The following ADGRB3 variants were observed in gnomAD, a reference collection of about 807,000 sequenced individuals.
ADGRB3 encodes the protein adhesion G protein-coupled receptor B3, also known as brain-specific angiogenesis inhibitor 3.
Under a neutral mutation model 193.4 loss-of-function variants are expected in ADGRB3, and 37 were observed. That is an observed-to-expected ratio of 0.19 (90% CI 0.15 to 0.25). ADGRB3 has a LOEUF of 0.25. Ranked by LOEUF, ADGRB3 falls within the 10% of genes least tolerant of loss-of-function variation. The pLI is 1.00. For synonymous variants in ADGRB3, 690 were observed against 644.2 expected (o/e 1.07, Z -1.08); for missense variants, 1,637 against 1,852.9 (o/e 0.88, Z 2.14).
At chr6:69,097,222 A>G (rs932423369) in intron 17 of ADGRB3, among the ~76,000 whole-genome samples, 2 of 152,240 alleles carry the variant, frequency 1.3e-5, no homozygotes, top group Non-Finnish European at 2.9e-5. Context: ...CGAGCTATAC[A>G]TGATGACCAA....
intron 6 of ADGRB3, among the ~76,000 whole-genome samples, chr6:68,949,110 A>G (rs1767848950): frequency 6.6e-6 from 1 of 152,148 alleles, no homozygotes; most frequent in African/African-American, 2.4e-5. Context: ...TTATATGAAT[A>G]TATTACTTTA....
chr6:69,075,286 G>A (rs1772195048), intron 16 of ADGRB3, among the ~76,000 whole-genome samples: 2 of 152,308 alleles, frequency 1.3e-5, no homozygotes, highest in South Asian at 2.1e-4. Flanking sequence ...GCATATGACA[G>A]AATCTGTAGA....
At chr6:69,386,447 T>C (rs1582671940) in intron 31 of ADGRB3, among the ~76,000 whole-genome samples, 1 of 152,228 alleles carries the variant, frequency 6.6e-6, no homozygotes, top group East Asian at 1.9e-4. Flanking sequence ...ACTGTGGATC[T>C]GATTCAGTAG....
chr6:68,825,598 A>T (rs185036700), intron 3 of ADGRB3, among the ~76,000 whole-genome samples: 1 of 152,272 alleles, frequency 6.6e-6, no homozygotes, highest in Admixed American at 6.5e-5. Context: ...TAATCCCTAT[A>T]ATCCCCATAA....
intron 20 of ADGRB3, among the ~76,000 whole-genome samples, chr6:69,264,660 C>T (rs1157830553): frequency 1.3e-5 from 2 of 151,826 alleles, no homozygotes; most frequent in Non-Finnish European, 2.9e-5. Context: ...TACCTATGAA[C>T]GAGTCTCACC....
chr6:69,207,030 G>A (rs1765553973), intron 17 of ADGRB3, among the ~76,000 whole-genome samples: 1 of 152,196 alleles, frequency 6.6e-6, no homozygotes, highest in Non-Finnish European at 1.5e-5. Context: ...CCACTGTGGA[G>A]TAGTAGACTG....
chr6:69,126,209 TGATA>T (rs1253250971), intron 17 of ADGRB3, among the ~76,000 whole-genome samples: 11 of 109,258 alleles, frequency 1.0e-4, no homozygotes, highest in African/African-American at 2.3e-4. Flanking sequence ...AGGAAATGAT[TGATA>T]GATAGATAAA....
At chr6:68,639,977 C>T (rs1362070309) in intron 3 of ADGRB3, among the ~76,000 whole-genome samples, 2 of 152,120 alleles carry the variant, frequency 1.3e-5, no homozygotes, top group African/African-American at 4.8e-5. Context: ...GACTTCCTGA[C>T]ACATGAAGGC....
At chr6:68,779,280 A>G (rs1477537331) in intron 3 of ADGRB3, among the ~76,000 whole-genome samples, 2 of 151,400 alleles carry the variant, frequency 1.3e-5, no homozygotes, top group African/African-American at 4.9e-5. Flanking sequence ...AGGTAAATAA[A>G]ATCACAATTA....
At chr6:68,991,782 G>A (rs1769245688) in intron 10 of ADGRB3, among the ~76,000 whole-genome samples, 1 of 152,156 alleles carries the variant, frequency 6.6e-6, no homozygotes, top group African/African-American at 2.4e-5. Context: ...TTAGGCTTGT[G>A]TGGGTTGAAT....
chr6:69,325,154 C>T (rs17691995), intron 21 of ADGRB3, 132 bp downstream of exon 21: 140,482 of 1,206,286 alleles, frequency 0.12, 9,266 homozygotes, highest in Middle Eastern at 0.18. Flanking sequence ...AATACATGAG[C>T]TGGTCAGTTT....
At chr6:69,384,580 G>A (rs1770020576) in intron 31 of ADGRB3, among the ~76,000 whole-genome samples, 1 of 152,018 alleles carries the variant, frequency 6.6e-6, no homozygotes, top group African/African-American at 2.4e-5. Flanking sequence ...CTTGTTGTAT[G>A]GTCTGGGTAT....
intron 3 of ADGRB3, among the ~76,000 whole-genome samples, chr6:68,673,016 T>C (rs983776512): frequency 2.0e-5 from 3 of 151,894 alleles, no homozygotes; most frequent in African/African-American, 7.3e-5. Context: ...CAAAATTCCT[T>C]AAACTGAATC....
intron 3 of ADGRB3, among the ~76,000 whole-genome samples, chr6:68,790,861 A>G (rs1767092154): frequency 6.6e-6 from 1 of 152,128 alleles, no homozygotes; most frequent in Non-Finnish European, 1.5e-5. Flanking sequence ...AAAAACCGGA[A>G]ACTCTAAAAA....
At chr6:69,250,332 A>C (rs202063091) in intron 20 of ADGRB3, among the ~76,000 whole-genome samples, 9 of 151,950 alleles carry the variant, frequency 5.9e-5, no homozygotes, top group Non-Finnish European at 7.4e-5. Context: ...ATTTTTGTTT[A>C]TTTTTATTAG....
At chr6:68,993,991 G>A (rs373229522) in intron 11 of ADGRB3, 29 bp downstream of exon 11, 2 of 1,601,764 alleles carry the variant, frequency 1.2e-6, no homozygotes, top group Admixed American at 1.7e-5. Flanking sequence ...TGAAGGAAAG[G>A]GCTAGTGAAG....
At chr6:68,969,465 C>G (rs1265199585) in intron 8 of ADGRB3, among the ~76,000 whole-genome samples, 3 of 152,246 alleles carry the variant, frequency 2.0e-5, no homozygotes, top group South Asian at 2.1e-4. Flanking sequence ...TGAGCAGGGC[C>G]TTTGGATCAC....
chr6:68,692,452 T>TG (rs1765090766), intron 3 of ADGRB3, among the ~76,000 whole-genome samples: 1 of 151,936 alleles, frequency 6.6e-6, no homozygotes, highest in African/African-American at 2.4e-5. Context: ...TCTTTGATCT[T>TG]GAACTCTTCC....
At chr6:69,292,119 T>A (rs1767699139) in intron 20 of ADGRB3, among the ~76,000 whole-genome samples, 1 of 152,230 alleles carries the variant, frequency 6.6e-6, no homozygotes, top group Non-Finnish European at 1.5e-5. Flanking sequence ...GTTTAACTAT[T>A]TCTTTACATC....
Sources: allele counts gnomAD v4.1 joint callset (sites outside exome capture counted in the v4.1 genomes callset), GRCh38; gene constraint gnomAD v4.1.1; transcripts MANE v1.5; gene names NCBI Gene and HGNC (gene_info 2026-07-23, HGNC 2026-07-21).